Variants in BCL2L14 observed in about 807,000 individuals in gnomAD.
BCL2L14 encodes the protein apoptosis facilitator Bcl-2-like protein 14.
Under a neutral mutation model 35.3 loss-of-function variants are expected in BCL2L14, and 27 were observed. The observed-to-expected ratio is 0.76, with a 90% CI of 0.56 to 1.05. The LOEUF (loss-of-function observed/expected upper bound fraction) is 1.05, where lower values mean the gene tolerates loss of function less well. Among genes scored for constraint, BCL2L14 ranks in the 50% least tolerant of loss-of-function variants. The pLI is 0.00. For missense variants in BCL2L14, 377 were observed against 382.6 expected (o/e 0.99, Z 0.12); for synonymous variants, 139 against 145.9 (o/e 0.95, Z 0.34).
chr12:12,052,043 GTTTTC>G (rs1948364333), intron 2 of BCL2L14, among the ~76,000 whole-genome samples: 1 of 152,042 alleles, frequency 6.6e-6, no homozygotes, highest in African/African-American at 2.4e-5. Context: ...TGAGGACCTT[GTTTTC>G]TTTTTCTTTT....
upstream of BCL2L14, among the ~76,000 whole-genome samples, chr12:12,068,801 G>T (rs1948623712): frequency 6.6e-6 from 1 of 152,174 alleles, no homozygotes; most frequent in Non-Finnish European, 1.5e-5. Context: ...TAAAATGAAA[G>T]CAAGGTTATT....
Position 12,095,081 on chromosome 12 carries a change from G to A in BCL2L14, c.945+151G>A. On this transcript the variant is annotated intron_variant, in intron 5 of 5. Coordinates refer to ENST00000308721, the MANE Select transcript of BCL2L14 (RefSeq NM_138723.2). ...GTGGCCAGAGATAGATCCCATTGAT[G>A]GGAACATATTTTTAGTGATTATCTT... 14 of 1,444,592 alleles carry A rather than the reference G, an allele frequency of 9.7e-6. No individual in the cohort carries two copies. In the South Asian group the frequency reaches 1.7e-4, roughly 17 times the overall value. The allele number at this position is 1,444,592 out of a possible 1,614,324, so 89.5% of individuals were successfully genotyped here. A position where few individuals can be genotyped will look rare whatever the true frequency, so the allele number is the denominator to read the frequency against.
upstream of BCL2L14, chr12:12,067,993 T>A: frequency 2.6e-6 from 1 of 385,302 alleles, no homozygotes; most frequent in Non-Finnish European, 4.6e-6. Context: ...AGTGCAGTGG[T>A]GCCATCATGG....
In BCL2L14 at chr12:12,092,181, G is replaced by T. The variant is rs576451970; in HGVS notation, c.678+1332G>T. ...GGACTTGTGGTCATTGGTCAGGGAG[G>T]TGGGAAAGGCGGAGTGGGGGTGCTG... On this transcript the variant is annotated intron_variant, in intron 4 of 5. Coordinates refer to ENST00000308721, the MANE Select transcript of BCL2L14 (RefSeq NM_138723.2). Among the ~76,000 whole-genome samples, 19 of 152,328 alleles carry T rather than the reference G, an allele frequency of 1.2e-4. No individual in the cohort carries two copies. The South Asian group carries it at 3.9e-3, about 32-fold the overall frequency.
At chr12:12,064,834 G>T (rs888417249) in intron 2 of BCL2L14, among the ~76,000 whole-genome samples, 1 of 152,190 alleles carries the variant, frequency 6.6e-6, no homozygotes, top group Non-Finnish European at 1.5e-5. Flanking sequence ...GGAAGTCATG[G>T]TAGTCAGATC....
chr12:12,060,723 T>C (rs1222775736), intron 2 of BCL2L14, among the ~76,000 whole-genome samples: 1 of 69,028 alleles, frequency 1.4e-5, no homozygotes, highest in African/African-American at 6.0e-5. Context: ...GGATTCCTCC[T>C]AAGCCGTGTC....
chr12:12,085,038 C>G (rs920235514), intron 2 of BCL2L14, among the ~76,000 whole-genome samples: 4 of 143,420 alleles, frequency 2.8e-5, no homozygotes, highest in African/African-American at 1.0e-4. Context: ...GAGCCGAGAT[C>G]GTGCCATTGC....
chr12:12,062,017 C>T (rs1005472737), intron 2 of BCL2L14, among the ~76,000 whole-genome samples: 6 of 152,216 alleles, frequency 3.9e-5, no homozygotes, highest in East Asian at 3.9e-4. Context: ...TTAGCCTAGC[C>T]CTCATGTCTC....
Position 12,072,006 on chromosome 12 carries a change from C to A in BCL2L14, c.-8+869C>A, listed in dbSNP as rs573640998. Among the ~76,000 whole-genome samples the A allele has an allele frequency of 2.0e-5, 3 of 152,188 alleles. No homozygotes were observed. The South Asian group carries it at 6.2e-4, about 32-fold the overall frequency. On this transcript the variant is annotated intron_variant, in intron 1 of 5. Transcript: ENST00000308721. ...CCGTGGGGATGAGTGTCAGTGCCCA[C>A]GAGATCCACTCAGGCCTCAACTGTG...
intron 2 of BCL2L14, among the ~76,000 whole-genome samples, chr12:12,086,099 C>A (rs1797653): frequency 0.21 from 32,187 of 151,868 alleles, 3,917 homozygotes; most frequent in Non-Finnish European, 0.28. Context: ...GGATTGCTTG[C>A]GCTTAGGAGT....
chr12:12,084,630 G>A (rs973733506), intron 2 of BCL2L14, among the ~76,000 whole-genome samples: 3 of 138,628 alleles, frequency 2.2e-5, no homozygotes, highest in African/African-American at 7.6e-5. Flanking sequence ...GTGTTCCCTC[G>A]CCTATCAGAC....
chr12:12,066,702 C>CATT (rs1291537754), upstream of BCL2L14, among the ~76,000 whole-genome samples: 213 of 150,154 alleles, frequency 1.4e-3, 1 homozygote, highest in South Asian at 2.1e-3. Flanking sequence ...ACAAACAAAA[C>CATT]ATTATTATTA....
At chr12:12,060,409 T>TCAATATTC (rs1948505809) in intron 2 of BCL2L14, among the ~76,000 whole-genome samples, 1 of 63,338 alleles carries the variant, frequency 1.6e-5, no homozygotes, top group Admixed American at 1.7e-4. Context: ...GCCGTCTTAT[T>TCAATATTC]CTCAAAATAC....
intron 2 of BCL2L14, among the ~76,000 whole-genome samples, chr12:12,052,288 ATTAC>A (rs2136704529): frequency 6.6e-6 from 1 of 152,316 alleles, no homozygotes; most frequent in Admixed American, 6.5e-5. Flanking sequence ...ACAATGCATT[ATTAC>A]TTATTATAGT....
chr12:12,068,693 A>T (rs1431775560), upstream of BCL2L14, among the ~76,000 whole-genome samples: 2 of 152,044 alleles, frequency 1.3e-5, no homozygotes, highest in Non-Finnish European at 2.9e-5. Flanking sequence ...ATGGGGTCTT[A>T]CTATCACAGC....
chr12:12,094,019 A>C (rs137899003), intron 4 of BCL2L14, among the ~76,000 whole-genome samples: 1 of 150,676 alleles, frequency 6.6e-6, no homozygotes, highest in African/African-American at 2.4e-5. Flanking sequence ...AGGCAAGAGA[A>C]TCACTTGAGC....
At chr12:12,090,070 A>G (rs1040317898) in intron 3 of BCL2L14, among the ~76,000 whole-genome samples, 2 of 152,220 alleles carry the variant, frequency 1.3e-5, no homozygotes, top group Non-Finnish European at 2.9e-5. Context: ...GGTGTCCATA[A>G]GATAAAAGCA....
chr12:12,079,766 C>T (rs1428916011), intron 2 of BCL2L14, 28 bp downstream of exon 2: 14 of 1,595,334 alleles, frequency 8.8e-6, no homozygotes, highest in African/African-American at 2.7e-5. Flanking sequence ...CTTTCTCTCC[C>T]GCTTCCTGGT....
At chr12:12,073,372 C>A (rs1948709030) in intron 1 of BCL2L14, among the ~76,000 whole-genome samples, 1 of 152,174 alleles carries the variant, frequency 6.6e-6, no homozygotes. Flanking sequence ...TGCCTGTCGA[C>A]TGGGCCAAGT....
Sources: gnomAD v4.1 joint callset for allele counts (sites outside exome capture counted in the v4.1 genomes callset) on GRCh38, gnomAD v4.1.1 for gene constraint, MANE v1.5 for transcripts, NCBI Gene and HGNC (gene_info 2026-07-23, HGNC 2026-07-21) for gene names.